The following TGFBR3 variants were observed in gnomAD, a reference collection of about 807,000 sequenced individuals.
TGFBR3 encodes the protein transforming growth factor beta receptor 3.
A neutral mutation model predicts 87.9 loss-of-function variants in TGFBR3; 46 were observed. The ratio of observed to expected loss-of-function variants is 0.52; its 90% confidence interval spans 0.41 to 0.67. The LOEUF is 0.67. Among genes scored for constraint, TGFBR3 ranks in the 30% least tolerant of loss-of-function variants. The pLI, the probability that TGFBR3 is intolerant of heterozygous loss-of-function variation, is 0.00. For synonymous variants in TGFBR3, 381 were observed against 391.6 expected (o/e 0.97, Z 0.32); for missense variants, 866 against 1,041.9 (o/e 0.83, Z 2.32).
rs1571400153 is a variant in TGFBR3, at chr1:91,681,157, T to C, written c.*2582A>G. 2.2e-6 allele frequency: 1 copy of C among 454,112 alleles called. No homozygotes were observed. The highest frequency in any genetic ancestry group is 6.9e-5 in the East Asian group (1 of 14,396). 28.1% of individuals were successfully genotyped at this position (454,112 alleles called of 1,614,324 possible). A position where few individuals can be genotyped will look rare whatever the true frequency, so the allele number is the denominator to read the frequency against. On this transcript the variant is annotated 3_prime_UTR_variant, in exon 17 of 17. Coordinates refer to ENST00000212355, the MANE Select transcript of TGFBR3 (RefSeq NM_003243.5). Reference sequence around the variant, plus strand: ...TTAAAGAAACTTGTAGTACACGTTATAAAAGTAGAGCTTGTACTTTGTATT... The same window carrying C: ...TTAAAGAAACTTGTAGTACACGTTACAAAAGTAGAGCTTGTACTTTGTATT...
chr1:91,838,673 G>A (rs988307788), intron 2 of TGFBR3, among the ~76,000 whole-genome samples: 8 of 149,984 alleles, frequency 5.3e-5, no homozygotes, highest in South Asian at 2.1e-4. Flanking sequence ...GTTTCACCGC[G>A]TTAGCCAGGA....
rs1670913361 is a variant in TGFBR3 at position 91,681,641 on chromosome 1, C to A, written c.*2098G>T. 1 of 439,642 alleles carries A rather than the reference C, an allele frequency of 2.3e-6. No homozygotes were observed. Among genetic ancestry groups the A allele is most frequent in the African/African-American group, 2.0e-5 (1 of 49,178 alleles). 27.2% of individuals were successfully genotyped at this position (439,642 alleles called of 1,614,324 possible). The stretch of plus-strand genomic sequence containing the variant: ...AAGCAAAGGACTGATCGAAAGAATT[C>A]ACAGTAGCTGAAATTAAACATTTCA... On this transcript the variant is annotated 3_prime_UTR_variant, in exon 17 of 17. Transcript: ENST00000212355.
chr1:91,763,490 T>C lies in TGFBR3; in HGVS notation c.247-4740A>G, dbSNP rs918857081. 2.0e-5 allele frequency among the ~76,000 whole-genome samples: 3 copies of C among 152,144 alleles called. No individual in the cohort carries two copies. In the East Asian group the frequency reaches 5.8e-4, roughly 29 times the overall value. On this transcript the variant is annotated intron_variant, in intron 3 of 16. Coordinates refer to ENST00000212355, the MANE Select transcript of TGFBR3 (RefSeq NM_003243.5). The stretch of plus-strand genomic sequence containing the variant: ...CTGAAATGGATGATTCAATAATCAG[T>C]TTACACTAAGATAAGAAAAGAACTC...
At chr1:91,813,665 C>A (rs1676103535) in intron 2 of TGFBR3, among the ~76,000 whole-genome samples, 1 of 152,192 alleles carries the variant, frequency 6.6e-6, no homozygotes, top group African/African-American at 2.4e-5. Context: ...TACGAATGAT[C>A]TACCATGAAC....
rs1671408071 is a variant in TGFBR3 at position 91,695,614 on chromosome 1, C to T, written c.2437+58G>A. 6 of 1,298,526 alleles carry T rather than the reference C, an allele frequency of 4.6e-6. No homozygotes were observed. The Admixed American group carries it at 8.4e-5, about 18-fold the overall frequency. 80.4% of individuals were successfully genotyped at this position (1,298,526 alleles called of 1,614,324 possible). On this transcript the variant is annotated intron_variant, in intron 16 of 16. Transcript: ENST00000212355. ...TTTCATCCAACAAAACACTGAGTGT[C>T]TATTGTGTGGCAGGAACACAAGCTG...
chr1:91,845,533 C>A (rs1159212338), intron 2 of TGFBR3, among the ~76,000 whole-genome samples: 2 of 152,222 alleles, frequency 1.3e-5, no homozygotes, highest in African/African-American at 4.8e-5. Context: ...TCAAATCTCT[C>A]TCATCTATAA....
rs372985402 is a variant in TGFBR3, at chr1:91,853,372, G to A, written c.61+8099C>T. On this transcript the variant is annotated intron_variant, in intron 2 of 16. Coordinates refer to ENST00000212355, the MANE Select transcript of TGFBR3 (RefSeq NM_003243.5). ...ATCTTCTATCCTTACATTCCCTGGT[G>A]GTAGTCCCCTGCCAGCACCCTCCAG... Among the ~76,000 whole-genome samples the A allele has an allele frequency of 1.3e-4, 19 of 151,374 alleles. No homozygotes were observed. In the South Asian group the frequency reaches 3.6e-3, roughly 28 times the overall value.
intron 2 of TGFBR3, among the ~76,000 whole-genome samples, chr1:91,852,345 CTCACCTT>C (rs1677769145): frequency 6.6e-6 from 1 of 152,202 alleles, no homozygotes; most frequent in South Asian, 2.1e-4. Context: ...GAGAAATGAA[CTCACCTT>C]TCTCTCAACT....
chr1:91,807,773 T>C (rs1369620866), intron 2 of TGFBR3, among the ~76,000 whole-genome samples: 1 of 152,180 alleles, frequency 6.6e-6, no homozygotes, highest in East Asian at 1.9e-4. Context: ...AAGTCACCAC[T>C]GGACATAGCA....
chr1:91,872,610 C>CA (rs1678624855), intron 1 of TGFBR3, among the ~76,000 whole-genome samples: 1 of 152,174 alleles, frequency 6.6e-6, no homozygotes, highest in South Asian at 2.1e-4. Context: ...TGTAACCAGA[C>CA]AAGGGGATGG....
chr1:91,854,683 T>A (rs1038504741), intron 2 of TGFBR3, among the ~76,000 whole-genome samples: 1 of 152,346 alleles, frequency 6.6e-6, no homozygotes, highest in Middle Eastern at 3.4e-3. Context: ...AATGTAGACA[T>A]GTATAAAAAC....
chr1:91,810,620 G>C (rs1165364015), intron 2 of TGFBR3, among the ~76,000 whole-genome samples: 1 of 152,136 alleles, frequency 6.6e-6, no homozygotes, highest in Non-Finnish European at 1.5e-5. Flanking sequence ...GAATTCATGT[G>C]CCAAACAACC....
intron 16 of TGFBR3, among the ~76,000 whole-genome samples, chr1:91,694,003 G>A (rs1014676215): frequency 6.6e-6 from 1 of 152,074 alleles, no homozygotes; most frequent in African/African-American, 2.4e-5. Flanking sequence ...TCATGACACT[G>A]GAGTCTTATT....
At chr1:91,875,965 C>T (rs1678790493) in intron 1 of TGFBR3, among the ~76,000 whole-genome samples, 1 of 146,026 alleles carries the variant, frequency 6.8e-6, no homozygotes, top group Non-Finnish European at 1.5e-5. Flanking sequence ...ACTGAAGAGA[C>T]ATCCGGAACA....
At chr1:91,789,825 C>T (rs1317189266) in intron 3 of TGFBR3, among the ~76,000 whole-genome samples, 2 of 152,176 alleles carry the variant, frequency 1.3e-5, no homozygotes, top group Admixed American at 1.3e-4. Context: ...GCCTTGCTGT[C>T]CCTAACCCTG....
intron 6 of TGFBR3, 97 bp downstream of exon 6, chr1:91,729,708 G>T: frequency 1.4e-6 from 2 of 1,407,980 alleles, no homozygotes; most frequent in African/African-American, 2.8e-5. Flanking sequence ...TCCTGCGTAG[G>T]GGAGGGTGTA....
Position 91,734,847 on chromosome 1 carries a change from T to C in TGFBR3, c.497A>G (p.Lys166Arg). ...GAATGAAGTAACTGCTCCATACTCT[T>C]TTCGGGCCCAATTTAACAGATGTTC... ...GNEHLLNWAR[K>R]EYGAVTSFTE... Residue 166 changes from lysine to arginine, a missense_variant, in exon 5 of 17, where the codon AAA becomes AGA. Transcript: ENST00000212355. 6.2e-7 allele frequency: 1 copy of C among 1,614,212 alleles called. No individual in the cohort carries two copies. The highest frequency in any genetic ancestry group is 8.5e-7 in the Non-Finnish European group (1 of 1,180,006).
chr1:91,688,230 C>A (rs1223283128), intron 16 of TGFBR3, among the ~76,000 whole-genome samples: 13 of 152,158 alleles, frequency 8.5e-5, no homozygotes, highest in Non-Finnish European at 2.9e-5. Context: ...TGCAGTGTGG[C>A]CAACCTGTTT....
intron 1 of TGFBR3, among the ~76,000 whole-genome samples, chr1:91,903,528 A>G (rs1034665456): frequency 2.0e-5 from 3 of 151,644 alleles, no homozygotes; most frequent in Non-Finnish European, 2.9e-5. Context: ...GGATTGCTTG[A>G]GCCCAGAAGT....
Sources: gnomAD v4.1 joint callset for allele counts (sites outside exome capture counted in the v4.1 genomes callset) on GRCh38, gnomAD v4.1.1 for gene constraint, MANE v1.5 for transcripts, NCBI Gene and HGNC (gene_info 2026-07-23, HGNC 2026-07-21) for gene names.